TENM4: variants seen among roughly 807,000 people sequenced by gnomAD.
The protein encoded by TENM4 is teneurin-4.
In TENM4, 82 loss-of-function variants were observed where a neutral mutation model predicts 243.3. The observed-to-expected ratio is 0.34, with a 90% CI of 0.28 to 0.40. The LOEUF (loss-of-function observed/expected upper bound fraction) is 0.40, where lower values mean the gene tolerates loss of function less well. TENM4 is among the 10% of genes least tolerant of loss of function. The probability of loss-of-function intolerance (pLI) is 1.00; values close to 1 mark genes in which losing one functional copy is unlikely to be tolerated. For missense variants in TENM4, 3,138 were observed against 3,673.3 expected (o/e 0.85, Z 3.77); for synonymous variants, 1,412 against 1,456.3 (o/e 0.97, Z 0.69).
chr11:79,388,005 TAAAC>T (rs1858153308), intron 1 of TENM4, among the ~76,000 whole-genome samples: 1 of 152,010 alleles, frequency 6.6e-6, no homozygotes, highest in Non-Finnish European at 1.5e-5. Flanking sequence ...TAAAACAAAA[TAAAC>T]AAAGAAACTC....
chr11:79,046,722 G>A (rs1040475729), intron 6 of TENM4, among the ~76,000 whole-genome samples: 1 of 152,136 alleles, frequency 6.6e-6, no homozygotes, highest in South Asian at 2.1e-4. Context: ...CAACCCACTG[G>A]AGCTAGGAAG....
At chr11:79,266,573 C>G (rs113027790) in intron 2 of TENM4, among the ~76,000 whole-genome samples, 1 of 152,154 alleles carries the variant, frequency 6.6e-6, no homozygotes, top group Admixed American at 6.5e-5. Flanking sequence ...ATCTTTGCTA[C>G]TAGTATCAGT....
At chr11:78,815,659 T>C (rs1054338622) in intron 12 of TENM4, among the ~76,000 whole-genome samples, 1 of 152,244 alleles carries the variant, frequency 6.6e-6, no homozygotes, top group African/African-American at 2.4e-5. Context: ...TAATGCTGGA[T>C]GTGGAATGAG....
intron 6 of TENM4, among the ~76,000 whole-genome samples, chr11:79,021,378 G>T (rs981065384): frequency 1.3e-5 from 2 of 152,204 alleles, no homozygotes; most frequent in Non-Finnish European, 2.9e-5. Flanking sequence ...CCTAAAAAAA[G>T]GATTCAAATG....
At chr11:79,415,050 CA>C (rs1484879153) in intron 1 of TENM4, among the ~76,000 whole-genome samples, 2 of 152,240 alleles carry the variant, frequency 1.3e-5, no homozygotes, top group Non-Finnish European at 2.9e-5. Context: ...CACCACTTTG[CA>C]GCCCTGGACA....
chr11:78,842,426 T>G (rs923597328), intron 12 of TENM4, among the ~76,000 whole-genome samples: 7 of 152,252 alleles, frequency 4.6e-5, no homozygotes, highest in African/African-American at 1.7e-4. Context: ...CCAATTGGTC[T>G]CCCTGTCTCA....
intron 1 of TENM4, among the ~76,000 whole-genome samples, chr11:79,417,952 C>T (rs1042056475): frequency 6.6e-6 from 1 of 152,198 alleles, no homozygotes; most frequent in Admixed American, 6.5e-5. Flanking sequence ...GATCTTGTCA[C>T]TCTTTAATGG....
At chr11:78,725,673 A>G (rs1230587626) in intron 23 of TENM4, among the ~76,000 whole-genome samples, 2 of 152,214 alleles carry the variant, frequency 1.3e-5, no homozygotes, top group Admixed American at 1.3e-4. Context: ...TACTTGATAC[A>G]CAGGGCTAAT....
rs1859311104 is a variant in TENM4 at position 78,708,486 on chromosome 11, A to T, written c.4084T>A (p.Tyr1362Asn). 7 of 1,614,024 alleles carry T rather than the reference A, an allele frequency of 4.3e-6. No individual in the cohort carries two copies. The highest frequency in any genetic ancestry group is 5.9e-6 in the Non-Finnish European group (7 of 1,179,882). Residue 1362 changes from tyrosine (Y) to asparagine (N), a missense_variant, in exon 27 of 34, where the codon TAC becomes AAC. Tyr to Asn is a moderately radical substitution (Grantham distance 143). Around this residue, in one of 2 missense-constraint regions of TENM4, gnomAD observed 2,467 missense variants for 3,059.1 expected, o/e 0.81. Coordinates refer to ENST00000278550, the MANE Select transcript of TENM4 (RefSeq NM_001098816.3). ...CTGATCATGGTGCCATCCACGAAGT[A>T]GATCAGCCCAAACTTGTCCACTGTA... ...GITVDKFGLIYFVDGTMIRRI... is the reference protein window; with the variant it reads ...GITVDKFGLINFVDGTMIRRI...
At chr11:79,413,424 C>G (rs377474992) in intron 1 of TENM4, among the ~76,000 whole-genome samples, 1 of 152,200 alleles carries the variant, frequency 6.6e-6, no homozygotes, top group Non-Finnish European at 1.5e-5. Flanking sequence ...TCCCTTTCCC[C>G]GCCTCCCTGG....
rs374387616 is a variant in TENM4, at chr11:79,183,837, C to CA, written c.-163+31970dup. ...CTTCATGTGCATTAGGATGGCTTAT[C>CA]AAAAAAACAGAAAATAACAAGCATT... On this transcript the variant is annotated intron_variant, in intron 3 of 33. Transcript: ENST00000278550. Among the ~76,000 whole-genome samples, 3 of 151,986 alleles carry CA rather than the reference C, an allele frequency of 2.0e-5. No homozygotes were observed. The South Asian group carries it at 6.2e-4, about 32-fold the overall frequency.
At chr11:79,416,976 G>A (rs1858828876) in intron 1 of TENM4, among the ~76,000 whole-genome samples, 1 of 152,134 alleles carries the variant, frequency 6.6e-6, no homozygotes, top group African/African-American at 2.4e-5. Flanking sequence ...AGAAACCTAG[G>A]ACAGTTTAGC....
rs543422460 is a variant in TENM4 at position 78,741,747 on chromosome 11, G to A, written c.2757-3177C>T. 1.1e-3 allele frequency among the ~76,000 whole-genome samples: 175 copies of A among 152,284 alleles called. 1 individual carries two copies. The highest frequency in any genetic ancestry group is 4.0e-3 in the African/African-American group (165 of 41,546). ...ACCCTACACTGAGGGTTGGGCACTC[G>A]CTCAGGGCTGGAGATGTGGCTAAGA... On this transcript the variant is annotated intron_variant, in intron 19 of 33. Transcript: ENST00000278550.
chr11:79,409,060 TTGTGTGTGTGTGTGTG>T (rs559211499), intron 1 of TENM4, among the ~76,000 whole-genome samples: 18 of 141,938 alleles, frequency 1.3e-4, no homozygotes, highest in East Asian at 4.2e-4. Flanking sequence ...GAGGGATATT[TTGTGTGTGTGTGTGTG>T]TGTGTGTGTG....
Position 78,702,182 on chromosome 11 carries a change from G to T in TENM4, c.4431C>A (p.His1477Gln), listed in dbSNP as rs777369712. The T allele has an allele frequency of 3.1e-6, 5 of 1,614,026 alleles. No homozygotes were observed. Among genetic ancestry groups the T allele is most frequent in the Non-Finnish European group, 4.2e-6 (5 of 1,179,894 alleles). Residue 1477 changes from histidine (H) to glutamine (Q), a missense_variant, in exon 28 of 34, where the codon CAC becomes CAA. By Grantham distance (24) the His-to-Gln change is conservative. Coordinates refer to ENST00000278550, the MANE Select transcript of TENM4 (RefSeq NM_001098816.3). ...LESATALAVS[H>Q]NGVLYIAETD... ...TCTCAGCAATATACAGGACCCCATT[G>T]TGTGAAACAGCCAAAGCGGTGGCTG...
intron 1 of TENM4, among the ~76,000 whole-genome samples, chr11:79,377,676 C>T (rs934711687): frequency 6.6e-6 from 1 of 152,202 alleles, no homozygotes; most frequent in South Asian, 2.1e-4. Context: ...CTAGTGCTCA[C>T]TATGTGCCAG....
chr11:79,156,039 G>C (rs746653816), intron 3 of TENM4, among the ~76,000 whole-genome samples: 1 of 152,116 alleles, frequency 6.6e-6, no homozygotes, highest in Non-Finnish European at 1.5e-5. Flanking sequence ...TTCCCTAAGA[G>C]AGGTGAGCTT....
intron 3 of TENM4, among the ~76,000 whole-genome samples, chr11:79,209,139 G>C (rs1346646425): frequency 6.6e-6 from 1 of 152,228 alleles, no homozygotes; most frequent in Non-Finnish European, 1.5e-5. Context: ...CATTTGGCTT[G>C]TAAATGGCTC....
chr11:78,777,836 G>A (rs1392424598), intron 17 of TENM4, among the ~76,000 whole-genome samples: 1 of 152,178 alleles, frequency 6.6e-6, no homozygotes, highest in Non-Finnish European at 1.5e-5. Flanking sequence ...AAGGAGCTTA[G>A]AGTCTTTTCA....
Sources: allele counts gnomAD v4.1 joint callset (sites outside exome capture counted in the v4.1 genomes callset), GRCh38; gene constraint gnomAD v4.1.1; regional missense constraint gnomAD v4.1.1; transcripts MANE v1.5; gene names NCBI Gene and HGNC (gene_info 2026-07-23, HGNC 2026-07-21).